The following PPM1E variants were observed in gnomAD, a reference collection of about 807,000 sequenced individuals.
PPM1E encodes protein phosphatase 1E.
Under a neutral mutation model 65.9 loss-of-function variants are expected in PPM1E, and 20 were observed. That is an observed-to-expected ratio of 0.30 (90% CI 0.21 to 0.44). The LOEUF is 0.44. Ranked by LOEUF, PPM1E falls within the 20% of genes least tolerant of loss-of-function variation. The probability of loss-of-function intolerance (pLI) is 1.00; values close to 1 mark genes in which losing one functional copy is unlikely to be tolerated. For missense variants in PPM1E, 713 were observed against 953.1 expected, an observed-to-expected ratio of 0.75 and a Z score of 3.32; for synonymous variants, 352 against 374.9, an observed-to-expected ratio of 0.94 and a Z score of 0.70.
At chr17:58,848,258 G>C (rs926632989) in intron 1 of PPM1E, among the ~76,000 whole-genome samples, 7 of 151,912 alleles carry the variant, frequency 4.6e-5, no homozygotes, top group African/African-American at 7.2e-5. Context: ...AATTGAATAC[G>C]CTTTATTTCC....
In PPM1E at chr17:58,955,694, A is replaced by G; in HGVS notation, c.510A>G (p.Ser170=). The G allele has an allele frequency of 6.2e-7, 1 of 1,613,570 alleles. No homozygotes were observed. Among genetic ancestry groups the G allele is most frequent in the South Asian group, 1.1e-5 (1 of 90,814 alleles). The change falls in exon 2 of 7, where the codon TCA becomes TCG. Residue 170 remains serine, a synonymous_variant. Coordinates refer to ENST00000308249, the MANE Select transcript of PPM1E (RefSeq NM_014906.5). ...CTGCTGCTTTAGCCAGAGCCACATC[A>G]GATGAAGTCCTTCAGAGTGATCTTT... ...FLAAALARAT[S]DEVLQSDLSA... is the part of the protein sequence containing the mutation.
intron 1 of PPM1E, among the ~76,000 whole-genome samples, chr17:58,828,795 AC>A (rs2050568865): frequency 6.6e-6 from 1 of 151,772 alleles, no homozygotes; most frequent in Admixed American, 6.6e-5. Flanking sequence ...TCTGGGATTT[AC>A]CTGTCTCTAA....
intron 1 of PPM1E, among the ~76,000 whole-genome samples, chr17:58,757,825 G>A (rs1449664821): frequency 1.3e-5 from 2 of 152,038 alleles, no homozygotes; most frequent in Admixed American, 6.6e-5. Flanking sequence ...CAGTATTACC[G>A]TCAATTAGCA....
rs181460145 is a variant in PPM1E, at chr17:58,846,097, G to A, written c.464+89636G>A. ...GTTGCTTCCATGTTTTAGCTACTGT[G>A]AATAATGCTGCTATGATTACAAATG... is the stretch of plus-strand genomic sequence containing the variant. On this transcript the variant is annotated intron_variant, in intron 1 of 6. Coordinates refer to ENST00000308249, the MANE Select transcript of PPM1E (RefSeq NM_014906.5). Among the ~76,000 whole-genome samples, 161 of 152,254 alleles carry A rather than the reference G, an allele frequency of 1.1e-3. 1 individual carries two copies. The highest frequency in any genetic ancestry group is 2.6e-3 in the Admixed American group (40 of 15,290).
At position 58,983,625 on chromosome 17, in the gene PPM1E, A is replaced by AAAG. The variant is rs1369307156; in HGVS notation, c.*2595_*2597dup. 2 of 152,610 alleles carry AAAG rather than the reference A, an allele frequency of 1.3e-5. No individual in the cohort carries two copies. The highest frequency in any genetic ancestry group is 4.8e-5 in the African/African-American group (2 of 41,424). 9.5% of individuals were successfully genotyped at this position (152,610 alleles called of 1,614,324 possible). Reference sequence around the variant, plus strand: ...ATTGTAAAAATATTAGACAGATATAAAAGTATCTATATAATATCTATAAAC... The same window carrying AAAG: ...ATTGTAAAAATATTAGACAGATATAAAAGAAGTATCTATATAATATCTATAAAC... On this transcript the variant is annotated 3_prime_UTR_variant, in exon 7 of 7. Coordinates refer to ENST00000308249, the MANE Select transcript of PPM1E (RefSeq NM_014906.5).
chr17:58,771,370 G>A (rs989782457), intron 1 of PPM1E, among the ~76,000 whole-genome samples: 3 of 151,322 alleles, frequency 2.0e-5, no homozygotes, highest in Admixed American at 6.6e-5. Flanking sequence ...GGGCATGGTG[G>A]CTCCCAGCAC....
intron 1 of PPM1E, among the ~76,000 whole-genome samples, chr17:58,797,173 A>G (rs2050214911): frequency 6.6e-6 from 1 of 152,174 alleles, no homozygotes; most frequent in Admixed American, 6.5e-5. Context: ...CTGTAGCTCA[A>G]TGTTTGTTTA....
intron 1 of PPM1E, among the ~76,000 whole-genome samples, chr17:58,797,928 G>A (rs2050221278): frequency 1.3e-5 from 2 of 152,150 alleles, no homozygotes; most frequent in Admixed American, 6.6e-5. Context: ...TGACACTTGT[G>A]TATTGAGGAC....
chr17:58,885,192 G>A (rs1349127993), intron 1 of PPM1E, among the ~76,000 whole-genome samples: 2 of 152,130 alleles, frequency 1.3e-5, no homozygotes, highest in Non-Finnish European at 2.9e-5. Flanking sequence ...GAGTAGCTGG[G>A]ATTAAAGGCA....
intron 1 of PPM1E, among the ~76,000 whole-genome samples, chr17:58,834,850 C>A (rs368944280): frequency 9.2e-5 from 14 of 151,756 alleles, no homozygotes; most frequent in South Asian, 6.2e-4. Flanking sequence ...TTTCAAAATT[C>A]TTTTAGCTAT....
chr17:58,893,716 GATTATATGGGAACTCTCTGTACTTT>G (rs1488873836), intron 1 of PPM1E, among the ~76,000 whole-genome samples: 2 of 152,046 alleles, frequency 1.3e-5, no homozygotes, highest in African/African-American at 4.8e-5. Context: ...TGGGCACAGG[GATTATATGGGAACTCTCTGTACTTT>G]ATGCTTAATT....
intron 1 of PPM1E, among the ~76,000 whole-genome samples, chr17:58,811,519 A>G (rs1233899769): frequency 6.6e-6 from 1 of 152,212 alleles, no homozygotes; most frequent in East Asian, 1.9e-4. Flanking sequence ...TCTGAACAGA[A>G]GTGGTAGAAA....
chr17:58,936,963 A>G (rs1297267930), intron 1 of PPM1E, among the ~76,000 whole-genome samples: 1 of 152,060 alleles, frequency 6.6e-6, no homozygotes. Context: ...ATACGAATTG[A>G]TTGGATTGAT....
Position 58,846,213 on chromosome 17 carries a change from T to A in PPM1E, c.464+89752T>A, listed in dbSNP as rs562750130. Among the ~76,000 whole-genome samples, 39 of 152,326 alleles carry A rather than the reference T, an allele frequency of 2.6e-4. No homozygotes were observed. The East Asian group carries it at 5.2e-3, about 20-fold the overall frequency. On this transcript the variant is annotated intron_variant, in intron 1 of 6. Transcript: ENST00000308249. The stretch of plus-strand genomic sequence containing the variant: ...TGCTGGGTCATTTGGTAATTCTATT[T>A]TAAACTCTTTGAGGAAACCGTTTTC...
At chr17:58,877,580 G>A (rs913891200) in intron 1 of PPM1E, among the ~76,000 whole-genome samples, 12 of 152,106 alleles carry the variant, frequency 7.9e-5, no homozygotes, top group African/African-American at 1.7e-4. Flanking sequence ...ATAAATGGTA[G>A]GTTCCTAGGC....
At chr17:58,772,325 G>C (rs144763914) in intron 1 of PPM1E, among the ~76,000 whole-genome samples, 5 of 151,978 alleles carry the variant, frequency 3.3e-5, no homozygotes, top group African/African-American at 1.2e-4. Flanking sequence ...GTGTGGTGGC[G>C]TGCGCCTGTA....
At chr17:58,866,487 T>TA (rs1162559338) in intron 1 of PPM1E, among the ~76,000 whole-genome samples, 1 of 152,240 alleles carries the variant, frequency 6.6e-6, no homozygotes, top group Non-Finnish European at 1.5e-5. Context: ...ATGGGAGTCT[T>TA]ACGCCTTAGC....
intron 1 of PPM1E, among the ~76,000 whole-genome samples, chr17:58,901,207 G>A (rs866143861): frequency 1.3e-5 from 2 of 151,966 alleles, no homozygotes; most frequent in Non-Finnish European, 1.5e-5. Flanking sequence ...AAATCAAGGA[G>A]GAAAATATTC....
intron 1 of PPM1E, among the ~76,000 whole-genome samples, chr17:58,912,322 A>G (rs759315457): frequency 6.6e-6 from 1 of 152,196 alleles, no homozygotes; most frequent in Non-Finnish European, 1.5e-5. Flanking sequence ...AGAATTCACT[A>G]TCTCTGGCAG....
Sources: allele counts gnomAD v4.1 joint callset (sites outside exome capture counted in the v4.1 genomes callset), GRCh38; gene constraint gnomAD v4.1.1; transcripts MANE v1.5; gene names NCBI Gene and HGNC (gene_info 2026-07-23, HGNC 2026-07-21).